The following EPHA5 variants were observed in gnomAD, a reference collection of about 807,000 sequenced individuals.
The protein encoded by EPHA5 is ephrin type-A receptor 5.
EPHA5 carries 60 observed loss-of-function variants against 105.0 expected under a neutral mutation model. That is an observed-to-expected ratio of 0.57 (90% CI 0.46 to 0.71). EPHA5 has a LOEUF of 0.71. Ranked by LOEUF, EPHA5 falls within the 30% of genes least tolerant of loss-of-function variation. The probability of loss-of-function intolerance (pLI) is 0.00; values close to 1 mark genes in which losing one functional copy is unlikely to be tolerated. For missense variants in EPHA5, 1,218 were observed against 1,274.7 expected (o/e 0.96, Z 0.68); for synonymous variants, 513 against 449.1 (o/e 1.14, Z -1.80).
chr4:65,369,608 A>G (rs557073858), intron 8 of EPHA5, among the ~76,000 whole-genome samples: 1 of 152,248 alleles, frequency 6.6e-6, no homozygotes, highest in African/African-American at 2.4e-5. Flanking sequence ...TCATTTTACA[A>G]TGTGTAACTA....
At chr4:65,647,117 A>G (rs1244004033) in intron 1 of EPHA5, among the ~76,000 whole-genome samples, 2 of 151,996 alleles carry the variant, frequency 1.3e-5, no homozygotes, top group African/African-American at 4.8e-5. Context: ...TCATGAGGTT[A>G]GGAGATTGAG....
intron 5 of EPHA5, among the ~76,000 whole-genome samples, chr4:65,447,239 A>C (rs921079624): frequency 6.6e-6 from 1 of 151,950 alleles, no homozygotes; most frequent in Non-Finnish European, 1.5e-5. Context: ...AACAGTTAGA[A>C]TATGGCAATA....
chr4:65,348,140 C>T lies in EPHA5; in HGVS notation c.2509G>A (p.Ala837Thr), dbSNP rs1401469962. The change falls in exon 14 of 17, where the codon GCC becomes ACC. Residue 837 changes from alanine to threonine, a missense_variant. By Grantham distance (58) the Ala-to-Thr change is moderately conservative (BLOSUM62 0). Around this residue, in one of 3 missense-constraint regions of EPHA5, gnomAD observed 971 missense variants for 1,013.5 expected, o/e 0.96. Transcript: ENST00000613740. Reference protein sequence around the residue: ...EAIAFRKFTSASDVWSYGIVM... With the variant: ...EAIAFRKFTSTSDVWSYGIVM... Reference sequence around the variant, plus strand: ...ATTCCATAACTCCAGACATCACTGGCAGAAGTAAACTTTCGGAAAGCTATT... The same window carrying T: ...ATTCCATAACTCCAGACATCACTGGTAGAAGTAAACTTTCGGAAAGCTATT... 1 of 1,613,780 alleles carries T rather than the reference C, an allele frequency of 6.2e-7. No individual in the cohort carries two copies. Among genetic ancestry groups the T allele is most frequent in the Non-Finnish European group, 8.5e-7 (1 of 1,179,836 alleles).
chr4:65,581,852 C>T (rs1168762759), intron 3 of EPHA5, among the ~76,000 whole-genome samples: 2 of 151,630 alleles, frequency 1.3e-5, no homozygotes, highest in South Asian at 4.1e-4. Context: ...GAGTTTTAAC[C>T]ATGTTTTATT....
At chr4:65,331,858 G>A (rs1201614892) in intron 16 of EPHA5, 115 bp downstream of exon 16, 10 of 1,443,284 alleles carry the variant, frequency 6.9e-6, no homozygotes, top group Non-Finnish European at 9.1e-6. Flanking sequence ...GCTTCTTTGA[G>A]AGCTGCCACA....
intron 15 of EPHA5, among the ~76,000 whole-genome samples, chr4:65,334,720 T>A (rs1721004638): frequency 6.6e-6 from 1 of 151,954 alleles, no homozygotes; most frequent in East Asian, 1.9e-4. Flanking sequence ...CTGCATACAA[T>A]GAAATAAGAA....
chr4:65,631,961 A>G (rs1164358452), intron 2 of EPHA5, among the ~76,000 whole-genome samples: 1 of 151,492 alleles, frequency 6.6e-6, no homozygotes, highest in Non-Finnish European at 1.5e-5. Flanking sequence ...CAAAAACCAA[A>G]CAGAAACCAA....
chr4:65,586,995 C>T (rs1191291113), intron 3 of EPHA5, among the ~76,000 whole-genome samples: 1 of 152,014 alleles, frequency 6.6e-6, no homozygotes, highest in Non-Finnish European at 1.5e-5. Context: ...TTTAATTGTA[C>T]TATTTTGCTT....
intron 3 of EPHA5, among the ~76,000 whole-genome samples, chr4:65,591,641 G>T (rs1742673746): frequency 1.3e-5 from 2 of 151,514 alleles, no homozygotes; most frequent in African/African-American, 4.8e-5. Context: ...ATTGTGATCA[G>T]AAAAGATGAA....
rs1458070853 is a variant in EPHA5 at position 65,321,961 on chromosome 4, C to T, written c.*2153G>A. 8.9e-6 allele frequency: 2 copies of T among 225,830 alleles called. No homozygotes were observed. Among genetic ancestry groups the T allele is most frequent in the Non-Finnish European group, 8.8e-6 (1 of 113,358 alleles). 14.0% of individuals were successfully genotyped at this position (225,830 alleles called of 1,614,324 possible). ...TATTTCTATAAAATTCAATAAAGTGCCACATAATCATCATTTATTTTGTAC... is the reference window on the plus strand; with the variant it reads ...TATTTCTATAAAATTCAATAAAGTGTCACATAATCATCATTTATTTTGTAC... On this transcript the variant is annotated 3_prime_UTR_variant, in exon 17 of 17. Coordinates refer to ENST00000613740, the MANE Select transcript of EPHA5 (RefSeq NM_001281766.3).
chr4:65,598,571 T>G (rs927013823), intron 3 of EPHA5, among the ~76,000 whole-genome samples: 6 of 152,124 alleles, frequency 3.9e-5, no homozygotes, highest in African/African-American at 1.4e-4. Context: ...AAAAAATAAT[T>G]AAACAGATAA....
At chr4:65,470,207 T>A (rs76327713) in intron 5 of EPHA5, among the ~76,000 whole-genome samples, 2 of 148,378 alleles carry the variant, frequency 1.3e-5, no homozygotes, top group Admixed American at 1.3e-4. Flanking sequence ...TTTTTTTTTT[T>A]CTTGAGACAG....
At chr4:65,417,380 A>AT (rs758288594) in intron 6 of EPHA5, among the ~76,000 whole-genome samples, 12 of 152,128 alleles carry the variant, frequency 7.9e-5, no homozygotes, top group South Asian at 2.1e-4. Flanking sequence ...CTCATAATCC[A>AT]TTTTTTTTAT....
At chr4:65,595,314 A>C (rs577635636) in intron 3 of EPHA5, among the ~76,000 whole-genome samples, 4 of 152,272 alleles carry the variant, frequency 2.6e-5, no homozygotes, top group Non-Finnish European at 4.4e-5. Context: ...TAGGCTGGAT[A>C]GAGTGCCTAC....
rs143025321 is a variant in EPHA5 at position 65,334,400 on chromosome 4, T to C, written c.2789+1532A>G. ...AGTTGAAGTTATGAAAGAATTGCAA[T>C]TTTGATAATAGCAAGGTCTAGAATA... is the stretch of plus-strand genomic sequence containing the variant. On this transcript the variant is annotated intron_variant, in intron 15 of 16. Coordinates refer to ENST00000613740, the MANE Select transcript of EPHA5 (RefSeq NM_001281766.3). Among the ~76,000 whole-genome samples the C allele has an allele frequency of 3.2e-4, 48 of 152,076 alleles. 1 individual carries two copies. Among genetic ancestry groups the C allele is most frequent in the African/African-American group, 1.1e-3 (45 of 41,520 alleles).
At chr4:65,544,525 A>G (rs536459548) in intron 3 of EPHA5, among the ~76,000 whole-genome samples, 3 of 152,210 alleles carry the variant, frequency 2.0e-5, no homozygotes, top group South Asian at 2.1e-4. Flanking sequence ...AGCCACAATG[A>G]GATACCATCT....
intron 2 of EPHA5, among the ~76,000 whole-genome samples, chr4:65,606,605 T>C (rs543015628): frequency 6.6e-6 from 1 of 152,320 alleles, no homozygotes; most frequent in South Asian, 2.1e-4. Flanking sequence ...GTTTTGCCTA[T>C]TAACCTGTTG....
intron 7 of EPHA5, among the ~76,000 whole-genome samples, chr4:65,413,145 T>C (rs2149014946): frequency 6.6e-6 from 1 of 152,242 alleles, no homozygotes; most frequent in South Asian, 2.1e-4. Context: ...TTCAGACTAA[T>C]ATCACATGTT....
chr4:65,643,330 C>A (rs1747829796), intron 2 of EPHA5, 33 bp downstream of exon 2: 1 of 1,542,676 alleles, frequency 6.5e-7, no homozygotes, highest in African/African-American at 1.4e-5. Context: ...ACGCACATAG[C>A]TTAAGTTTTA....
Sources: gnomAD v4.1 joint callset for allele counts (sites outside exome capture counted in the v4.1 genomes callset) on GRCh38, gnomAD v4.1.1 for gene constraint, gnomAD v4.1.1 regional missense constraint, MANE v1.5 for transcripts, NCBI Gene and HGNC (gene_info 2026-07-23, HGNC 2026-07-21) for gene names.